Variants in FBXL13 observed in about 807,000 individuals in gnomAD.
FBXL13 encodes F-box and leucine rich repeat protein 13.
FBXL13 carries 67 observed loss-of-function variants against 83.6 expected under a neutral mutation model. The ratio of observed to expected loss-of-function variants is 0.80; its 90% CI spans 0.66 to 0.98. The LOEUF (loss-of-function observed/expected upper bound fraction) is 0.98. FBXL13 is among the 50% of genes least tolerant of loss of function. FBXL13 has a pLI of 0.00. For synonymous variants in FBXL13, 272 were observed against 299.5 expected (o/e 0.91, Z 0.95); for missense variants, 822 against 866.5 (o/e 0.95, Z 0.64).
chr7:102,812,630 A>G (rs1446679049), downstream of FBXL13, among the ~76,000 whole-genome samples: 1 of 152,162 alleles, frequency 6.6e-6, no homozygotes, highest in Non-Finnish European at 1.5e-5. Flanking sequence ...AGATCCTTAA[A>G]GTTATTCCCC....
chr7:102,994,269 CT>C lies in FBXL13; in HGVS notation c.496-26153del, dbSNP rs925344183. The stretch of plus-strand genomic sequence containing the variant: ...AGGATATCTATAAAAATAATACTGG[CT>C]TTTTTTTCTGTCATATCAAGATTTA... On this transcript the variant is annotated intron_variant, in intron 6 of 19. Coordinates refer to ENST00000313221, the Ensembl canonical transcript of FBXL13. Among the ~76,000 whole-genome samples the C allele has an allele frequency of 1.8e-3, 273 of 151,634 alleles. 1 individual carries two copies. The highest frequency in any genetic ancestry group is 6.1e-3 in the African/African-American group (254 of 41,396).
intron 2 of FBXL13, chr7:103,030,158 C>G (rs1020141847): frequency 1.3e-5 from 2 of 152,088 alleles, no homozygotes. Flanking sequence ...TGGTTCAAAT[C>G]TATACCAACA....
At chr7:102,834,087 A>AGGGAGG (rs60618094) in intron 17 of FBXL13, among the ~76,000 whole-genome samples, 1 of 59,680 alleles carries the variant, frequency 1.7e-5, no homozygotes, top group South Asian at 5.6e-4. Context: ...GAAGGAAAGA[A>AGGGAGG]AAGAAAGAAA....
chr7:102,834,094 G>GGAAGGAAGGAAGGAAGGAAGGA (rs1261823399), intron 17 of FBXL13, among the ~76,000 whole-genome samples: 9 of 86,736 alleles, frequency 1.0e-4, no homozygotes, highest in East Asian at 3.1e-4. Context: ...AGAAAAGAAA[G>GGAAGGAAGGAAGGAAGGAAGGA]AAAGAAAGAA....
At chr7:102,881,617 A>C (rs888794402) in intron 14 of FBXL13, among the ~76,000 whole-genome samples, 1 of 151,962 alleles carries the variant, frequency 6.6e-6, no homozygotes, top group Non-Finnish European at 1.5e-5. Context: ...CTATGTAACA[A>C]ATTGATCCAA....
intron 6 of FBXL13, among the ~76,000 whole-genome samples, chr7:103,003,067 T>G (rs1790570501): frequency 6.6e-6 from 1 of 152,122 alleles, no homozygotes; most frequent in Non-Finnish European, 1.5e-5. Flanking sequence ...CTCTATATCT[T>G]GTAGGCATTC....
chr7:102,896,271 T>G (rs1473316140), intron 11 of FBXL13, among the ~76,000 whole-genome samples: 2 of 152,130 alleles, frequency 1.3e-5, no homozygotes, highest in African/African-American at 4.8e-5. Context: ...AAAGGATGCC[T>G]CTAGATATTA....
At chr7:102,914,442 T>C (rs1484191886) in intron 10 of FBXL13, among the ~76,000 whole-genome samples, 2 of 152,214 alleles carry the variant, frequency 1.3e-5, no homozygotes, top group African/African-American at 4.8e-5. Context: ...GCAATCATGC[T>C]CTTAGTTTGT....
intron 8 of FBXL13, among the ~76,000 whole-genome samples, chr7:102,951,435 C>G (rs917439506): frequency 7.0e-6 from 1 of 141,978 alleles, no homozygotes; most frequent in African/African-American, 2.6e-5. Flanking sequence ...AAAGAAAGCT[C>G]TTAAATCAAT....
intron 8 of FBXL13, among the ~76,000 whole-genome samples, chr7:102,951,842 CAAAATAG>C (rs1271882259): frequency 4.1e-5 from 6 of 145,694 alleles, no homozygotes; most frequent in East Asian, 2.0e-4. Flanking sequence ...TGGAGATAAG[CAAAATAG>C]AAAATAGAAA....
chr7:102,970,494 T>G (rs1826516753), intron 6 of FBXL13, among the ~76,000 whole-genome samples: 1 of 152,198 alleles, frequency 6.6e-6, no homozygotes, highest in African/African-American at 2.4e-5. Context: ...GCAAAGAGGT[T>G]CCACTGGTAA....
intron 10 of FBXL13, among the ~76,000 whole-genome samples, chr7:102,923,080 T>C (rs1817399808): frequency 6.6e-6 from 1 of 152,228 alleles, no homozygotes; most frequent in Non-Finnish European, 1.5e-5. Context: ...CACAAGGTGA[T>C]ATATGTCAAA....
At chr7:102,959,140 G>C (rs1413948515) in intron 8 of FBXL13, among the ~76,000 whole-genome samples, 1 of 152,028 alleles carries the variant, frequency 6.6e-6, no homozygotes. Context: ...CAATTGACAA[G>C]CTATTAAAAC....
intron 11 of FBXL13, among the ~76,000 whole-genome samples, chr7:102,911,163 C>T (rs887540356): frequency 6.6e-6 from 1 of 152,214 alleles, no homozygotes; most frequent in Non-Finnish European, 1.5e-5. Flanking sequence ...TCTTGCTTCA[C>T]CTCCTCCAAT....
Position 102,848,327 on chromosome 7 carries a change from C to G in FBXL13, c.1719+6450G>C, listed in dbSNP as rs1238618296. Among the ~76,000 whole-genome samples, 59 of 46,766 alleles carry G rather than the reference C, an allele frequency of 1.3e-3. 10 individuals carry two copies. Among genetic ancestry groups the G allele is most frequent in the Non-Finnish European group, 1.8e-3 (49 of 27,554 alleles). 30.7% of individuals were successfully genotyped at this position (46,766 alleles called of 152,430 possible). On this transcript the variant is annotated intron_variant, in intron 17 of 19. Coordinates refer to ENST00000313221, the Ensembl canonical transcript of FBXL13. ...ATCCCAGCACTTTGGGAGGCCGAGG[C>G]GGGCGGATCACGAGGTCAGGAGATC... is the stretch of plus-strand genomic sequence containing the variant.
chr7:103,033,353 C>T (rs1308946757), intron 2 of FBXL13, among the ~76,000 whole-genome samples: 2 of 152,158 alleles, frequency 1.3e-5, no homozygotes, highest in Non-Finnish European at 2.9e-5. Flanking sequence ...ACTATTTGTG[C>T]AATACAAAGT....
chr7:102,883,620 A>G, exon 13 of FBXL13: 2 of 1,612,712 alleles, frequency 1.2e-6, no homozygotes, highest in South Asian at 2.2e-5. Context: ...TGAAAGTACA[A>G]TCGGAGATAT....
At chr7:102,918,262 A>G (rs1381078202) in intron 10 of FBXL13, among the ~76,000 whole-genome samples, 1 of 152,232 alleles carries the variant, frequency 6.6e-6, no homozygotes, top group African/African-American at 2.4e-5. Context: ...CAAAAAAATC[A>G]GTATCAAGTA....
At chr7:102,981,842 G>A (rs1273901423) in intron 6 of FBXL13, among the ~76,000 whole-genome samples, 1 of 152,236 alleles carries the variant, frequency 6.6e-6, no homozygotes, top group South Asian at 2.1e-4. Flanking sequence ...TAGGTTCAAC[G>A]TCTGAGTTTT....
Sources: allele counts gnomAD v4.1 joint callset (sites outside exome capture counted in the v4.1 genomes callset), GRCh38; gene constraint gnomAD v4.1.1; transcripts MANE v1.5; gene names NCBI Gene and HGNC (gene_info 2026-07-23, HGNC 2026-07-21).